PAM: variants seen among roughly 807,000 people sequenced by gnomAD.
The protein encoded by PAM is peptidylglycine alpha-amidating monooxygenase, also known as peptidyl-glycine alpha-amidating monooxygenase.
PAM carries 72 observed loss-of-function variants against 122.1 expected under a neutral mutation model. The observed-to-expected ratio is 0.59, with a 90% CI of 0.49 to 0.72. The LOEUF is 0.72. PAM is among the 30% of genes least tolerant of loss of function. The pLI, the probability that PAM is intolerant of heterozygous loss-of-function variation, is 0.00. For missense variants in PAM, 1,106 were observed against 1,183.7 expected (o/e 0.93, Z 0.96); for synonymous variants, 389 against 404.4 (o/e 0.96, Z 0.46).
At chr5:102,855,757 T>C (rs1782465976) in intron 1 of PAM, among the ~76,000 whole-genome samples, 1 of 152,028 alleles carries the variant, frequency 6.6e-6, no homozygotes, top group Admixed American at 6.6e-5. Context: ...ATGTGTTGAT[T>C]GATTGCAAGA....
At chr5:102,911,950 C>T (rs1403106880) in intron 4 of PAM, among the ~76,000 whole-genome samples, 2 of 151,948 alleles carry the variant, frequency 1.3e-5, no homozygotes, top group Non-Finnish European at 2.9e-5. Context: ...TCCATCCTCG[C>T]AGCTTCAGGG....
chr5:103,022,111 C>G (rs1783723797), intron 23 of PAM, among the ~76,000 whole-genome samples: 1 of 150,952 alleles, frequency 6.6e-6, no homozygotes, highest in South Asian at 2.1e-4. Context: ...AGCCCACCCC[C>G]CCAAATAAAA....
At chr5:103,004,361 C>G (rs1283855895) in intron 17 of PAM, among the ~76,000 whole-genome samples, 6 of 152,120 alleles carry the variant, frequency 3.9e-5, no homozygotes, top group African/African-American at 1.4e-4. Context: ...TCCTCACATT[C>G]AGTTGTCAAA....
intron 1 of PAM, among the ~76,000 whole-genome samples, chr5:102,821,850 A>G (rs375530112): frequency 2.0e-5 from 3 of 152,312 alleles, no homozygotes; most frequent in Middle Eastern, 3.4e-3. Flanking sequence ...AATGAAAGCA[A>G]TTTTACCATA....
intron 15 of PAM, among the ~76,000 whole-genome samples, chr5:102,989,470 G>A (rs1773298691): frequency 6.6e-6 from 1 of 152,168 alleles, no homozygotes; most frequent in Admixed American, 6.5e-5. Flanking sequence ...CTGTACCACT[G>A]CATTCCAGCC....
intron 21 of PAM, among the ~76,000 whole-genome samples, chr5:103,016,746 A>T (rs1782126943): frequency 6.6e-6 from 1 of 152,198 alleles, no homozygotes; most frequent in African/African-American, 2.4e-5. Flanking sequence ...AAACATCACA[A>T]ACATAAGACT....
chr5:102,779,886 CATATATATATATAT>C lies in PAM; in HGVS notation c.-374+24558_-374+24571del, dbSNP rs767088116. Among the ~76,000 whole-genome samples the C allele has an allele frequency of 2.6e-4, 21 of 81,052 alleles. 1 individual carries two copies. In the East Asian group the frequency reaches 4.9e-3, roughly 19 times the overall value. 53.2% of individuals were successfully genotyped at this position (81,052 alleles called of 152,430 possible). A position where few individuals can be genotyped will look rare whatever the true frequency, so the allele number is the denominator to read the frequency against. On this transcript the variant is annotated intron_variant, in intron 1 of 25. Coordinates refer to ENST00000438793, the MANE Select transcript of PAM (RefSeq NM_001177306.2). The stretch of plus-strand genomic sequence containing the variant: ...TTAATACTTAATAAACTCCCATATA[CATATATATATATAT>C]ATATATATATATATATATACACACA...
chr5:102,813,265 A>C (rs2150219977), intron 1 of PAM, among the ~76,000 whole-genome samples: 1 of 152,304 alleles, frequency 6.6e-6, no homozygotes, highest in East Asian at 1.9e-4. Context: ...GAGATTTTGA[A>C]TCTTTCTTGG....
intron 23 of PAM, among the ~76,000 whole-genome samples, chr5:103,023,689 C>A (rs62362547): frequency 0.042 from 6,351 of 152,050 alleles, 214 homozygotes; most frequent in Non-Finnish European, 0.062. Context: ...AAAGGATGGT[C>A]TCCCTTTAGC....
chr5:102,997,811 T>C (rs1205088634), intron 16 of PAM, among the ~76,000 whole-genome samples: 1 of 152,248 alleles, frequency 6.6e-6, no homozygotes, highest in African/African-American at 2.4e-5. Flanking sequence ...CATTTTTTTC[T>C]ACATTTGTGT....
chr5:102,934,984 G>A (rs1399898036), intron 7 of PAM, among the ~76,000 whole-genome samples: 1 of 152,118 alleles, frequency 6.6e-6, no homozygotes, highest in East Asian at 1.9e-4. Flanking sequence ...GACTCTGGAT[G>A]TATCTGCACA....
At chr5:102,972,463 AG>A (rs1766155686) in intron 14 of PAM, among the ~76,000 whole-genome samples, 1 of 151,880 alleles carries the variant, frequency 6.6e-6, no homozygotes, top group African/African-American at 2.4e-5. Context: ...TTTATTTCTT[AG>A]AGAGATAGGG....
At chr5:102,910,047 C>G (rs1314026591) in intron 4 of PAM, among the ~76,000 whole-genome samples, 1 of 151,808 alleles carries the variant, frequency 6.6e-6, no homozygotes. Context: ...GCTGGTTTCT[C>G]TACTTGGTTA....
chr5:103,028,061 A>C, intron 24 of PAM, 124 bp from the exon 25 acceptor site: 2 of 721,092 alleles, frequency 2.8e-6, no homozygotes, highest in Non-Finnish European at 4.8e-6. Flanking sequence ...TTAGAATTGC[A>C]TACAGACAAG....
chr5:103,000,951 A>G (rs1354459699), intron 16 of PAM, among the ~76,000 whole-genome samples: 1 of 152,134 alleles, frequency 6.6e-6, no homozygotes, highest in Non-Finnish European at 1.5e-5. Flanking sequence ...CATAAATAGG[A>G]GAACAAAAAA....
At chr5:102,984,089 C>T (rs1288577893) in intron 15 of PAM, among the ~76,000 whole-genome samples, 1 of 151,912 alleles carries the variant, frequency 6.6e-6, no homozygotes, top group Non-Finnish European at 1.5e-5. Flanking sequence ...AGTGGCAGAG[C>T]AGACACACAA....
intron 1 of PAM, among the ~76,000 whole-genome samples, chr5:102,858,864 T>A (rs1319685896): frequency 6.6e-6 from 1 of 152,204 alleles, no homozygotes; most frequent in African/African-American, 2.4e-5. Context: ...AATGATGCTT[T>A]ACTCAGTGTC....
intron 1 of PAM, among the ~76,000 whole-genome samples, chr5:102,762,226 C>T (rs1752557169): frequency 6.6e-6 from 1 of 152,164 alleles, no homozygotes; most frequent in South Asian, 2.1e-4. Context: ...TTATTTGCCA[C>T]AGTTCTTACC....
chr5:102,841,494 T>C (rs1778625330), intron 1 of PAM, among the ~76,000 whole-genome samples: 1 of 152,028 alleles, frequency 6.6e-6, no homozygotes, highest in African/African-American at 2.4e-5. Flanking sequence ...GTCCTTTGAA[T>C]ATCCTAGCAG....
Sources: allele counts gnomAD v4.1 joint callset (sites outside exome capture counted in the v4.1 genomes callset), GRCh38; gene constraint gnomAD v4.1.1; transcripts MANE v1.5; gene names NCBI Gene and HGNC (gene_info 2026-07-23, HGNC 2026-07-21).